The following HSD17B14 variants were observed in gnomAD, a reference collection of about 807,000 sequenced individuals.
The protein encoded by HSD17B14 is L-fucose dehydrogenase.
A neutral mutation model predicts 32.2 loss-of-function variants in HSD17B14; 32 were observed. That is an observed-to-expected ratio of 0.99 (90% CI 0.75 to 1.33). HSD17B14 has a LOEUF of 1.33. Ranked by LOEUF, HSD17B14 falls within the 40% of genes most tolerant of loss-of-function variation. The probability of loss-of-function intolerance (pLI) is 0.00; values close to 1 mark genes in which losing one functional copy is unlikely to be tolerated. For missense variants in HSD17B14, 370 were observed against 366.5 expected, an observed-to-expected ratio of 1.01 and a Z score of -0.08; for synonymous variants, 140 against 155.4, an observed-to-expected ratio of 0.90 and a Z score of 0.74.
Position 48,836,472 on chromosome 19 carries a change from T to TGAGG in HSD17B14, c.-65_-62dup. 1 of 1,546,552 alleles carries TGAGG rather than the reference T, an allele frequency of 6.5e-7. No individual in the cohort carries two copies. The highest frequency in any genetic ancestry group is 8.9e-7 in the Non-Finnish European group (1 of 1,124,544). On this transcript the variant is annotated 5_prime_UTR_variant, in exon 1 of 9. The change creates a premature stop within an existing upstream ORF in the 5' untranslated region. Transcript: ENST00000263278. ...GGCCTCTTTCACCTCCAAAGCCCCG[T>TGAGG]GAGGCCGTCGCATCAAATCCTCAAT...
intron 6 of HSD17B14, among the ~76,000 whole-genome samples, 184 bp downstream of exon 6, chr19:48,814,847 AAAAAAG>A (rs910324881): frequency 8.4e-6 from 1 of 118,542 alleles, no homozygotes; most frequent in African/African-American, 3.3e-5. Flanking sequence ...TTTAAAAAAA[AAAAAAG>A]AAAAGAAAAG....
chr19:48,829,739 G>C (rs2035307014), intron 5 of HSD17B14, among the ~76,000 whole-genome samples: 1 of 147,086 alleles, frequency 6.8e-6, no homozygotes, highest in Non-Finnish European at 1.5e-5. Context: ...TGCCTCCCAG[G>C]TTCAAGTGAT....
intron 5 of HSD17B14, among the ~76,000 whole-genome samples, chr19:48,818,378 T>C (rs1164391038): frequency 2.0e-5 from 3 of 151,056 alleles, no homozygotes; most frequent in Non-Finnish European, 4.4e-5. Context: ...GATGTGGGCA[T>C]TGACCAGCCT....
chr19:48,827,659 T>G (rs2035273095), intron 5 of HSD17B14, among the ~76,000 whole-genome samples: 1 of 151,514 alleles, frequency 6.6e-6, no homozygotes, highest in African/African-American at 2.4e-5. Flanking sequence ...TGCCTCAGCC[T>G]CACGAGGAAT....
At chr19:48,825,442 C>T (rs985854336) in intron 5 of HSD17B14, among the ~76,000 whole-genome samples, 41 of 151,756 alleles carry the variant, frequency 2.7e-4, no homozygotes, top group African/African-American at 8.9e-4. Context: ...TGAGTAGCTG[C>T]GACTACAGAT....
At chr19:48,824,124 A>G (rs966913236) in intron 5 of HSD17B14, among the ~76,000 whole-genome samples, 1 of 146,334 alleles carries the variant, frequency 6.8e-6, no homozygotes, top group African/African-American at 2.5e-5. Context: ...GCATGGTGGT[A>G]CATGTCTGTA....
intron 5 of HSD17B14, among the ~76,000 whole-genome samples, chr19:48,821,554 C>T (rs925348425): frequency 5.3e-5 from 8 of 152,024 alleles, no homozygotes; most frequent in Admixed American, 2.0e-4. Context: ...TGGGCAGGGG[C>T]CCCAGAATCA....
chr19:48,834,507 TCTGAGGAAGTAGGGCCTGGGGGC>T, intron 2 of HSD17B14, 149 bp from the exon 3 acceptor site: 1 of 384,746 alleles, frequency 2.6e-6, no homozygotes. Context: ...GACTCCTGGG[TCTGAGGAAGTAGGGCCTGGGGGC>T]CTGGACTCCT....
chr19:48,826,542 T>TATATATATACACACACACACACACAC, intron 5 of HSD17B14, among the ~76,000 whole-genome samples: 2 of 80,110 alleles, frequency 2.5e-5, no homozygotes, highest in African/African-American at 1.0e-4. Context: ...TATATATATA[T>TATATATATACACACACACACACACAC]ACACACACAC....
At chr19:48,819,236 A>G (rs1271234644) in intron 5 of HSD17B14, among the ~76,000 whole-genome samples, 4 of 151,942 alleles carry the variant, frequency 2.6e-5, no homozygotes, top group Non-Finnish European at 5.9e-5. Flanking sequence ...CAACCTGCCC[A>G]CCTCGGCCTC....
chr19:48,828,311 T>C (rs2035284493), intron 5 of HSD17B14, among the ~76,000 whole-genome samples: 1 of 152,176 alleles, frequency 6.6e-6, no homozygotes, highest in South Asian at 2.1e-4. Flanking sequence ...TAGAGCTACT[T>C]GGTATCAGGT....
In HSD17B14 at chr19:48,813,145, G is replaced by C; in HGVS notation, c.*30C>G. ...GGAGTTTGGGGTGGGAGAGTCCTAG[G>C]AAGGGGGCCCCAAGTAGAAATGAGA... On this transcript the variant is annotated 3_prime_UTR_variant, in exon 9 of 9. Transcript: ENST00000263278. The C allele has an allele frequency of 6.5e-7, 1 of 1,537,326 alleles. No individual in the cohort carries two copies. The highest frequency in any genetic ancestry group is 1.4e-5 in the African/African-American group (1 of 73,626).
intron 5 of HSD17B14, among the ~76,000 whole-genome samples, chr19:48,825,257 A>T (rs1006277586): frequency 4.1e-5 from 6 of 147,122 alleles, no homozygotes; most frequent in African/African-American, 1.3e-4. Context: ...AAAAAAAAAA[A>T]TTGTATGATC....
chr19:48,825,301 G>C (rs148035634), intron 5 of HSD17B14, among the ~76,000 whole-genome samples: 164 of 151,570 alleles, frequency 1.1e-3, no homozygotes, highest in Middle Eastern at 7.0e-3. Context: ...TCAACGGGTA[G>C]AGCAAGTTAT....
In HSD17B14 at chr19:48,826,542, T is replaced by TATATATATATATACAC; in HGVS notation, c.369+5125_369+5126insGTGTATATATATATAT. ...GAAAAGAAGAAAATATATATATATA[T>TATATATATATATACAC]ACACACACACACACACACACACACA... On this transcript the variant is annotated intron_variant, in intron 5 of 8. Coordinates refer to ENST00000263278, the MANE Select transcript of HSD17B14 (RefSeq NM_016246.3). Among the ~76,000 whole-genome samples the TATATATATATATACAC allele has an allele frequency of 7.3e-3, 586 of 80,046 alleles. 21 individuals are homozygous for TATATATATATATACAC. The highest frequency in any genetic ancestry group is 0.028 in the African/African-American group (542 of 19,036). 52.5% of individuals were successfully genotyped at this position (80,046 alleles called of 152,430 possible). A position where few individuals can be genotyped will look rare whatever the true frequency, so the allele number is the denominator to read the frequency against.
In HSD17B14 at chr19:48,831,767, G is replaced by A. The variant is rs140572941; in HGVS notation, c.278-8C>T. On this transcript the variant is annotated splice_polypyrimidine_tract_variant and splice_region_variant and intron_variant, in intron 4 of 8. Transcript: ENST00000263278. ...GCCTCTGTGGGGGTGGGTCTAAAGT[G>A]GGGGGTGAGAGAGAGAGGAAAAGTG... 2.5e-6 allele frequency: 4 copies of A among 1,571,100 alleles called. No individual in the cohort carries two copies. Among genetic ancestry groups the A allele is most frequent in the Non-Finnish European group, 3.5e-6 (4 of 1,142,934 alleles).
rs200003607 is a variant in HSD17B14, at chr19:48,813,644, C to T, written c.542+19G>A. The T allele has an allele frequency of 4.7e-5, 76 of 1,614,022 alleles. 1 individual carries two copies. In the African/African-American group the frequency reaches 7.7e-4, roughly 16 times the overall value. ...CCCAGTCCCCCCAGGAGGCTCTCCG[C>T]CTGCTCAGAGCAGCTCACCAGTTGA... On this transcript the variant is annotated intron_variant, in intron 7 of 8. Transcript: ENST00000263278.
At chr19:48,828,922 C>T (rs921225196) in intron 5 of HSD17B14, among the ~76,000 whole-genome samples, 2 of 151,744 alleles carry the variant, frequency 1.3e-5, no homozygotes, top group South Asian at 2.1e-4. Flanking sequence ...ATTAGCCAGG[C>T]GTGGTGGTGA....
intron 5 of HSD17B14, among the ~76,000 whole-genome samples, chr19:48,823,542 G>T (rs189846320): frequency 6.6e-6 from 1 of 152,050 alleles, no homozygotes; most frequent in East Asian, 1.9e-4. Flanking sequence ...TGTATATACA[G>T]ACACATATAT....
Sources: gnomAD v4.1 joint callset for allele counts (sites outside exome capture counted in the v4.1 genomes callset) on GRCh38, gnomAD v4.1.1 for gene constraint, MANE v1.5 for transcripts, NCBI Gene and HGNC (gene_info 2026-07-23, HGNC 2026-07-21) for gene names.